Variants in CHCHD3 observed in about 807,000 individuals in gnomAD.
CHCHD3 encodes MICOS complex subunit MIC19.
Under a neutral mutation model 38.2 loss-of-function variants are expected in CHCHD3, and 20 were observed. The observed-to-expected ratio is 0.52, with a 90% CI of 0.37 to 0.76. The LOEUF is 0.76. CHCHD3 is among the 30% of genes least tolerant of loss of function. CHCHD3 has a pLI of 0.00. For missense variants in CHCHD3, 245 were observed against 279.2 expected, an observed-to-expected ratio of 0.88 and a Z score of 0.87; for synonymous variants, 82 against 100.0, an observed-to-expected ratio of 0.82 and a Z score of 1.07.
At chr7:132,848,236 C>T (rs1423099665) in intron 5 of CHCHD3, among the ~76,000 whole-genome samples, 2 of 152,164 alleles carry the variant, frequency 1.3e-5, no homozygotes, top group African/African-American at 4.8e-5. Context: ...TCCAGGGTGC[C>T]ACAAACACCA....
chr7:132,972,276 A>C (rs949509039), intron 4 of CHCHD3, among the ~76,000 whole-genome samples: 8 of 152,230 alleles, frequency 5.3e-5, no homozygotes, highest in Non-Finnish European at 1.2e-4. Flanking sequence ...ATCAGTATAA[A>C]AACTTTTACC....
chr7:132,899,168 T>G (rs1809600456), intron 4 of CHCHD3, among the ~76,000 whole-genome samples: 1 of 152,088 alleles, frequency 6.6e-6, no homozygotes, highest in South Asian at 2.1e-4. Flanking sequence ...CTGTCACCTC[T>G]CACTAAGACA....
chr7:132,930,603 C>T (rs1025527489), intron 4 of CHCHD3, among the ~76,000 whole-genome samples: 1 of 152,140 alleles, frequency 6.6e-6, no homozygotes, highest in East Asian at 1.9e-4. Flanking sequence ...TAACATATTT[C>T]GCCCTTTCTT....
At chr7:133,071,701 A>G (rs1251186603) in intron 1 of CHCHD3, among the ~76,000 whole-genome samples, 1 of 152,214 alleles carries the variant, frequency 6.6e-6, no homozygotes, top group Non-Finnish European at 1.5e-5. Context: ...AAACAAACAC[A>G]TGTCTATCTA....
chr7:132,995,373 G>T (rs1435522810), intron 3 of CHCHD3, among the ~76,000 whole-genome samples: 4 of 151,994 alleles, frequency 2.6e-5, no homozygotes, highest in Admixed American at 6.6e-5. Flanking sequence ...GTTTCCTTCC[G>T]CTCCCTTAAG....
chr7:132,959,722 C>CAAAAA (rs376282108), intron 4 of CHCHD3, among the ~76,000 whole-genome samples: 5 of 44,084 alleles, frequency 1.1e-4, no homozygotes, highest in Non-Finnish European at 1.4e-4. Flanking sequence ...AACTCCGTCT[C>CAAAAA]AAAAAAAAAA....
chr7:133,071,805 G>A (rs1814825445), intron 1 of CHCHD3, among the ~76,000 whole-genome samples: 1 of 152,106 alleles, frequency 6.6e-6, no homozygotes, highest in Non-Finnish European at 1.5e-5. Flanking sequence ...CTACCGTACA[G>A]ATAGACCTAA....
At chr7:132,959,460 C>T (rs541875510) in intron 4 of CHCHD3, among the ~76,000 whole-genome samples, 21 of 152,254 alleles carry the variant, frequency 1.4e-4, no homozygotes, top group South Asian at 2.1e-4. Context: ...TGGTGGCTCA[C>T]GCCTATAATC....
At chr7:133,017,284 C>G (rs1009274527) in intron 3 of CHCHD3, among the ~76,000 whole-genome samples, 1 of 152,150 alleles carries the variant, frequency 6.6e-6, no homozygotes, top group African/African-American at 2.4e-5. Flanking sequence ...TAGAGCAATG[C>G]GGCAGGCCAA....
chr7:133,066,028 A>G (rs1562952759), intron 2 of CHCHD3, among the ~76,000 whole-genome samples: 1 of 152,230 alleles, frequency 6.6e-6, no homozygotes. Flanking sequence ...GAGCTATGCA[A>G]CAGAACTGTC....
chr7:133,011,436 G>A (rs1031870896), intron 3 of CHCHD3, among the ~76,000 whole-genome samples: 2 of 152,134 alleles, frequency 1.3e-5, no homozygotes, highest in Non-Finnish European at 1.5e-5. Context: ...AGGGTTTCTC[G>A]GCCTCGGAGC....
At chr7:132,830,459 C>T (rs1160767445) in intron 6 of CHCHD3, among the ~76,000 whole-genome samples, 2 of 152,178 alleles carry the variant, frequency 1.3e-5, no homozygotes, top group Non-Finnish European at 2.9e-5. Context: ...GGATCAAAGA[C>T]AACTTTCTCA....
chr7:132,818,153 C>A (rs2117062743), intron 6 of CHCHD3, among the ~76,000 whole-genome samples: 1 of 152,308 alleles, frequency 6.6e-6, no homozygotes, highest in Non-Finnish European at 1.5e-5. Flanking sequence ...TATGTGATAT[C>A]TTCTTCATGT....
chr7:132,802,586 G>A (rs891499286), intron 6 of CHCHD3, among the ~76,000 whole-genome samples: 1 of 152,174 alleles, frequency 6.6e-6, no homozygotes, highest in Non-Finnish European at 1.5e-5. Context: ...TTTGGTATGA[G>A]GTGGAAGAAA....
At chr7:132,967,656 A>C (rs1811502195) in intron 4 of CHCHD3, among the ~76,000 whole-genome samples, 1 of 149,944 alleles carries the variant, frequency 6.7e-6, no homozygotes, top group Non-Finnish European at 1.5e-5. Context: ...TAAATAAATA[A>C]ATAAATAAAT....
At chr7:132,859,333 T>C (rs892635950) in intron 5 of CHCHD3, among the ~76,000 whole-genome samples, 1 of 152,234 alleles carries the variant, frequency 6.6e-6, no homozygotes, top group African/African-American at 2.4e-5. Context: ...CAGCTGTCTG[T>C]GATGCCTTTG....
intron 3 of CHCHD3, among the ~76,000 whole-genome samples, chr7:132,997,659 TAAAAAAAAA>T (rs71178073): frequency 0.065 from 5,351 of 81,832 alleles, 219 homozygotes; most frequent in African/African-American, 0.11. Context: ...AACAGGGTTG[TAAAAAAAAA>T]AAAAAAAAAA....
At chr7:132,838,837 A>G (rs1229951898) in intron 5 of CHCHD3, among the ~76,000 whole-genome samples, 1 of 152,194 alleles carries the variant, frequency 6.6e-6, no homozygotes, top group African/African-American at 2.4e-5. Flanking sequence ...ACACATTCGT[A>G]TTTATATATT....
chr7:133,018,316 C>T (rs571150878), intron 3 of CHCHD3, among the ~76,000 whole-genome samples: 2 of 152,290 alleles, frequency 1.3e-5, no homozygotes, highest in East Asian at 1.9e-4. Flanking sequence ...AGCTGTGTGT[C>T]GCTGAAGAGC....
Sources: gnomAD v4.1 joint callset for allele counts (sites outside exome capture counted in the v4.1 genomes callset) on GRCh38, gnomAD v4.1.1 for gene constraint, MANE v1.5 for transcripts, NCBI Gene and HGNC (gene_info 2026-07-23, HGNC 2026-07-21) for gene names.